Variants in AHI1 observed in about 807,000 individuals in gnomAD.
The protein encoded by AHI1 is jouberin.
Under a neutral mutation model 149.3 loss-of-function variants are expected in AHI1, and 123 were observed. That is an observed-to-expected ratio of 0.82 (90% CI 0.71 to 0.96). The LOEUF (loss-of-function observed/expected upper bound fraction) is 0.96. AHI1 is among the 40% of genes least tolerant of loss of function. The probability of loss-of-function intolerance (pLI) is 0.00; values close to 1 mark genes in which losing one functional copy is unlikely to be tolerated. For synonymous variants in AHI1, 475 were observed against 459.8 expected, an observed-to-expected ratio of 1.03 and a Z score of -0.42; for missense variants, 1,439 against 1,422.7, an observed-to-expected ratio of 1.01 and a Z score of -0.18.
At chr6:135,368,669 G>C (rs1326003592) in intron 23 of AHI1, among the ~76,000 whole-genome samples, 1 of 152,140 alleles carries the variant, frequency 6.6e-6, no homozygotes, top group African/African-American at 2.4e-5. Flanking sequence ...AGGTCACCAG[G>C]GAAGTGAAGG....
chr6:135,424,453 G>A (rs746673756), intron 20 of AHI1, among the ~76,000 whole-genome samples: 2 of 151,864 alleles, frequency 1.3e-5, no homozygotes, highest in Admixed American at 6.6e-5. Context: ...AGTAGAAGCC[G>A]TTTCTCTGAC....
intron 9 of AHI1, 51 bp from the exon 10 acceptor site, chr6:135,455,977 G>T: frequency 7.9e-7 from 1 of 1,265,092 alleles, no homozygotes; most frequent in Non-Finnish European, 1.0e-6. Context: ...ATTTTGAGGT[G>T]AGAAAAAAAT....
intron 27 of AHI1, among the ~76,000 whole-genome samples, chr6:135,291,091 A>T (rs1309079315): frequency 6.6e-6 from 1 of 152,206 alleles, no homozygotes; most frequent in Non-Finnish European, 1.5e-5. Context: ...TGTTTTGTGG[A>T]TGAGTGTGTA....
At chr6:135,481,655 G>T (rs533992969) in intron 5 of AHI1, among the ~76,000 whole-genome samples, 1 of 146,184 alleles carries the variant, frequency 6.8e-6, no homozygotes, top group Non-Finnish European at 1.5e-5. Flanking sequence ...TTTACTATTT[G>T]TTGTGCTCTT....
At chr6:135,316,853 T>TA (rs1786034398) in intron 26 of AHI1, among the ~76,000 whole-genome samples, 1 of 152,182 alleles carries the variant, frequency 6.6e-6, no homozygotes, top group Non-Finnish European at 1.5e-5. Context: ...CTGGGAGCAC[T>TA]ACAGATACTA....
At chr6:135,489,736 T>G (rs1042185338) in intron 5 of AHI1, among the ~76,000 whole-genome samples, 28 of 152,182 alleles carry the variant, frequency 1.8e-4, no homozygotes, top group African/African-American at 6.3e-4. Context: ...AGCTGGATTT[T>G]GGTCAATTTT....
At chr6:135,301,007 A>C (rs915390745) in intron 26 of AHI1, 1 of 984,716 alleles carries the variant, frequency 1.0e-6, no homozygotes, top group African/African-American at 1.7e-5. Flanking sequence ...AAGCTCTTTA[A>C]ATCTACAAAA....
At chr6:135,377,400 G>A (rs142746097) in intron 23 of AHI1, among the ~76,000 whole-genome samples, 24 of 152,238 alleles carry the variant, frequency 1.6e-4, no homozygotes, top group African/African-American at 4.8e-4. Context: ...GTAGGCCACC[G>A]AATCTTTAAC....
intron 23 of AHI1, among the ~76,000 whole-genome samples, chr6:135,386,245 T>C (rs889240375): frequency 2.0e-5 from 3 of 151,106 alleles, no homozygotes; most frequent in African/African-American, 4.9e-5. Context: ...CAAAACATTT[T>C]TGGTAAAAAA....
chr6:135,452,705 C>T (rs951073791), intron 11 of AHI1, among the ~76,000 whole-genome samples: 1 of 152,108 alleles, frequency 6.6e-6, no homozygotes, highest in Non-Finnish European at 1.5e-5. Context: ...GCAACCTCTT[C>T]ATGCACCATT....
chr6:135,408,208 T>C (rs1281930259), intron 21 of AHI1, among the ~76,000 whole-genome samples: 2 of 152,164 alleles, frequency 1.3e-5, no homozygotes, highest in African/African-American at 4.8e-5. Context: ...GGATAGACTG[T>C]AGGAAACTTG....
intron 4 of AHI1, 96 bp from the exon 5 acceptor site, chr6:135,490,843 C>T (rs1220086422): frequency 1.3e-5 from 18 of 1,415,130 alleles, no homozygotes; most frequent in East Asian, 7.0e-5. Flanking sequence ...TTGTAAATAT[C>T]GGCATGAGTT....
intron 28 of AHI1, among the ~76,000 whole-genome samples, chr6:135,286,180 C>T (rs1781661334): frequency 6.6e-6 from 1 of 152,104 alleles, no homozygotes; most frequent in Non-Finnish European, 1.5e-5. Flanking sequence ...TCATTTTTGA[C>T]CAAGATAGTA....
chr6:135,298,705 AATTT>A (rs1783472706), intron 27 of AHI1, among the ~76,000 whole-genome samples: 1 of 152,164 alleles, frequency 6.6e-6, no homozygotes, highest in Non-Finnish European at 1.5e-5. Flanking sequence ...TTCTCATGAA[AATTT>A]TTATTTTCAG....
intron 22 of AHI1, among the ~76,000 whole-genome samples, chr6:135,398,058 G>GTTTTGTTTTT (rs1779487730): frequency 1.1e-5 from 1 of 88,428 alleles, no homozygotes; most frequent in African/African-American, 4.3e-5. Flanking sequence ...TACCCAGGAT[G>GTTTTGTTTTT]TTTTTTTTTT....
chr6:135,422,137 C>T (rs186953146), intron 20 of AHI1, among the ~76,000 whole-genome samples: 2 of 152,244 alleles, frequency 1.3e-5, no homozygotes, highest in East Asian at 3.9e-4. Flanking sequence ...TACATCGTAT[C>T]TATATTGTAC....
intron 23 of AHI1, among the ~76,000 whole-genome samples, chr6:135,371,431 T>C (rs920359225): frequency 4.6e-5 from 7 of 152,224 alleles, no homozygotes; most frequent in Admixed American, 4.6e-4. Flanking sequence ...AAGCTTGTGA[T>C]ATTTTTCCTT....
intron 28 of AHI1, among the ~76,000 whole-genome samples, chr6:135,289,868 T>C (rs1168373836): frequency 6.6e-6 from 1 of 151,924 alleles, no homozygotes; most frequent in East Asian, 1.9e-4. Context: ...TTCTACTTAA[T>C]AGAGAAAAGG....
Position 135,455,722 on chromosome 6 carries a change from T to G in AHI1, c.1344+12A>C, listed in dbSNP as rs748164383. The G allele has an allele frequency of 6.5e-7, 1 of 1,548,822 alleles. No individual in the cohort carries two copies. The highest frequency in any genetic ancestry group is 1.2e-5 in the South Asian group (1 of 80,532). On this transcript the variant is annotated intron_variant, in intron 10 of 28. Coordinates refer to ENST00000265602, the MANE Select transcript of AHI1 (RefSeq NM_001134831.2). The stretch of plus-strand genomic sequence containing the variant: ...CTATCGTTTAATTTGAATTGGTCCA[T>G]TCAATTCATACCTCAAAGAACAGGA...
Sources: gnomAD v4.1 joint callset for allele counts (sites outside exome capture counted in the v4.1 genomes callset) on GRCh38, gnomAD v4.1.1 for gene constraint, MANE v1.5 for transcripts, NCBI Gene and HGNC (gene_info 2026-07-23, HGNC 2026-07-21) for gene names.